The following DDR2 variants were observed in gnomAD, a reference collection of about 807,000 sequenced individuals.
DDR2 encodes discoidin domain-containing receptor 2.
DDR2 carries 27 observed loss-of-function variants against 94.9 expected under a neutral mutation model. The ratio of observed to expected loss-of-function variants is 0.28; its 90% CI spans 0.21 to 0.39. The LOEUF (loss-of-function observed/expected upper bound fraction) is 0.39, where lower values mean the gene tolerates loss of function less well. Ranked by LOEUF, DDR2 falls within the 10% of genes least tolerant of loss-of-function variation. The probability of loss-of-function intolerance (pLI) is 1.00; values close to 1 mark genes in which losing one functional copy is unlikely to be tolerated. For synonymous variants in DDR2, 382 were observed against 377.2 expected (o/e 1.01, Z -0.15); for missense variants, 783 against 1,076.0 (o/e 0.73, Z 3.81).
Position 162,772,079 on chromosome 1 carries a change from C to T in DDR2, c.1560C>T (p.His520=), listed in dbSNP as rs55875050. 283 of 1,613,856 alleles carry T rather than the reference C, an allele frequency of 1.8e-4. 1 individual carries two copies. In the East Asian group the frequency reaches 6.0e-3, roughly 34 times the overall value. ...CCAGTGGCCCTGAGGGGGTGCCCCA[C>T]TATGCAGAGGCTGACATAGTGAACC... ...VQPSGPEGVP[H]YAEADIVNLQ... The change falls in exon 13 of 18, where the codon CAC becomes CAT. Residue 520 remains histidine, a synonymous_variant. Transcript: ENST00000367921.
chr1:162,742,242 G>T (rs1209090801), intron 3 of DDR2, among the ~76,000 whole-genome samples: 6 of 152,338 alleles, frequency 3.9e-5, no homozygotes, highest in African/African-American at 1.4e-4. Flanking sequence ...AAATCATAGT[G>T]GATGGTGTGT....
chr1:162,777,689 A>G (rs1558082524), intron 16 of DDR2: 2 of 151,666 alleles, frequency 1.3e-5, no homozygotes, highest in South Asian at 4.2e-4. Context: ...AATTTGGGAA[A>G]CCTCTCCTGT....
At chr1:162,698,470 A>G (rs1000428747) in intron 2 of DDR2, among the ~76,000 whole-genome samples, 4 of 152,138 alleles carry the variant, frequency 2.6e-5, no homozygotes, top group South Asian at 2.1e-4. Flanking sequence ...ATTATAGGCA[A>G]TATATTTACT....
At chr1:162,732,053 G>A (rs930102490) in intron 3 of DDR2, among the ~76,000 whole-genome samples, 6 of 152,164 alleles carry the variant, frequency 3.9e-5, no homozygotes, top group African/African-American at 1.4e-4. Context: ...CCCTATGTTA[G>A]TATCCTGAAA....
At chr1:162,689,185 G>A (rs774752678) in intron 2 of DDR2, among the ~76,000 whole-genome samples, 2 of 152,126 alleles carry the variant, frequency 1.3e-5, no homozygotes, top group African/African-American at 4.8e-5. Context: ...AGCCAATGGC[G>A]AGACAACAGC....
At chr1:162,777,379 C>G (rs145548028) in intron 16 of DDR2, among the ~76,000 whole-genome samples, 26 of 151,948 alleles carry the variant, frequency 1.7e-4, no homozygotes, top group African/African-American at 6.3e-4. Context: ...GCATAATATT[C>G]CATGTGTAGA....
rs1385714291 is a variant in DDR2, at chr1:162,780,681, AG to A, written c.*438del. On this transcript the variant is annotated 3_prime_UTR_variant, in exon 18 of 18. Transcript: ENST00000367921. ...TCTTGGGAAACATGAGATTAAGTTT[AG>A]GGAAAACACTTGATAGATGTGGAGA... 5.7e-6 allele frequency: 1 copy of A among 175,840 alleles called. No homozygotes were observed. Among genetic ancestry groups the A allele is most frequent in the Non-Finnish European group, 1.2e-5 (1 of 81,906 alleles). 10.9% of individuals were successfully genotyped at this position (175,840 alleles called of 1,614,324 possible).
chr1:162,700,134 A>G (rs1488100060), intron 2 of DDR2, among the ~76,000 whole-genome samples: 1 of 152,254 alleles, frequency 6.6e-6, no homozygotes, highest in East Asian at 1.9e-4. Context: ...GCACATTTAC[A>G]GTGACCATGA....
intron 2 of DDR2, among the ~76,000 whole-genome samples, chr1:162,657,883 C>A (rs900824496): frequency 1.3e-5 from 2 of 151,938 alleles, no homozygotes; most frequent in African/African-American, 4.8e-5. Flanking sequence ...CTTATTCTCT[C>A]CCTCTCCCTT....
intron 2 of DDR2, among the ~76,000 whole-genome samples, chr1:162,701,220 A>G (rs1660415610): frequency 6.6e-6 from 1 of 152,246 alleles, no homozygotes. Flanking sequence ...AAAGTGATTA[A>G]TTTTGTCTTC....
intron 2 of DDR2, among the ~76,000 whole-genome samples, chr1:162,678,815 A>T (rs1295521042): frequency 6.6e-6 from 1 of 152,250 alleles, no homozygotes; most frequent in African/African-American, 2.4e-5. Context: ...ACTGAACTCC[A>T]GGCTGGACTT....
intron 3 of DDR2, among the ~76,000 whole-genome samples, chr1:162,726,081 A>T (rs1661649544): frequency 6.6e-6 from 1 of 152,158 alleles, no homozygotes; most frequent in African/African-American, 2.4e-5. Context: ...CCTATCACTG[A>T]TCGCTGCCTT....
At chr1:162,685,560 A>G (rs1237282345) in intron 2 of DDR2, among the ~76,000 whole-genome samples, 3 of 151,824 alleles carry the variant, frequency 2.0e-5, no homozygotes, top group African/African-American at 7.3e-5. Flanking sequence ...GGACAAGTCA[A>G]CTGGTGTTCC....
At chr1:162,746,143 CAG>C (rs1182435389) in intron 3 of DDR2, among the ~76,000 whole-genome samples, 2 of 152,162 alleles carry the variant, frequency 1.3e-5, no homozygotes, top group Non-Finnish European at 2.9e-5. Flanking sequence ...GTGCAGCCCA[CAG>C]AGTGTGAGCT....
chr1:162,648,180 G>A (rs1250262886), intron 1 of DDR2, among the ~76,000 whole-genome samples: 1 of 152,018 alleles, frequency 6.6e-6, no homozygotes, highest in African/African-American at 2.4e-5. Flanking sequence ...GCAAGTAAAT[G>A]GGGGGCTAGT....
At chr1:162,688,546 C>T (rs1171649084) in intron 2 of DDR2, among the ~76,000 whole-genome samples, 4 of 152,224 alleles carry the variant, frequency 2.6e-5, no homozygotes, top group Non-Finnish European at 4.4e-5. Context: ...TTAACCACAG[C>T]ACTTCACTGA....
At chr1:162,729,605 G>A (rs1012002548) in intron 3 of DDR2, among the ~76,000 whole-genome samples, 24 of 149,914 alleles carry the variant, frequency 1.6e-4, no homozygotes, top group Admixed American at 4.6e-4. Flanking sequence ...CTGTTGTGTC[G>A]TCATGACCAG....
At chr1:162,776,489 C>G in intron 16 of DDR2, 119 bp downstream of exon 16, 1 of 864,546 alleles carries the variant, frequency 1.2e-6, no homozygotes, top group Non-Finnish European at 1.8e-6. Context: ...AGTATTTTCT[C>G]TGATTTGAAA....
At chr1:162,631,853 A>G (rs1231343625), upstream of DDR2, among the ~76,000 whole-genome samples, 1 of 152,116 alleles carries the variant, frequency 6.6e-6, no homozygotes, top group African/African-American at 2.4e-5. Context: ...CAGAGGCAGC[A>G]GCCAACTGGG....
Sources: allele counts gnomAD v4.1 joint callset (sites outside exome capture counted in the v4.1 genomes callset), GRCh38; gene constraint gnomAD v4.1.1; transcripts MANE v1.5; gene names NCBI Gene and HGNC (gene_info 2026-07-23, HGNC 2026-07-21).